The following EPM2A variants were observed in gnomAD, a reference collection of about 807,000 sequenced individuals.
EPM2A encodes the protein laforin.
Under a neutral mutation model 26.5 loss-of-function variants are expected in EPM2A, and 21 were observed. The ratio of observed to expected loss-of-function variants is 0.79; its 90% CI spans 0.56 to 1.14. The LOEUF is 1.14. Ranked by LOEUF, EPM2A falls within the 50% of genes most tolerant of loss-of-function variation. EPM2A has a pLI of 0.00. For synonymous variants in EPM2A, 217 were observed against 177.6 expected, an observed-to-expected ratio of 1.22 and a Z score of -1.76; for missense variants, 458 against 440.8, an observed-to-expected ratio of 1.04 and a Z score of -0.35.
chr6:145,630,377 C>G (rs1180961996), intron 3 of EPM2A: 1 of 152,338 alleles, frequency 6.6e-6, no homozygotes, highest in African/African-American at 2.4e-5. Flanking sequence ...CTTTGGGAGG[C>G]CGAGGCAGGT....
intron 2 of EPM2A, chr6:145,637,399 A>G (rs1392173303): frequency 6.6e-6 from 1 of 152,124 alleles, no homozygotes; most frequent in Non-Finnish European, 1.5e-5. Context: ...ATAATCAGTG[A>G]AAATTATCTC....
intron 3 of EPM2A, chr6:145,628,948 A>T (rs1483565815): frequency 1.3e-5 from 2 of 152,274 alleles, no homozygotes; most frequent in Admixed American, 6.5e-5. Flanking sequence ...TTTACCAAGG[A>T]CCACAGTGTG....
intron 2 of EPM2A, among the ~76,000 whole-genome samples, chr6:145,550,700 GACA>G (rs1489116165): frequency 2.6e-5 from 4 of 151,920 alleles, no homozygotes; most frequent in Non-Finnish European, 4.4e-5. Context: ...TCAGTATGAA[GACA>G]ACAAGGATGA....
At chr6:145,488,760 G>T (rs995912489) in intron 4 of EPM2A, among the ~76,000 whole-genome samples, 7 of 151,636 alleles carry the variant, frequency 4.6e-5, no homozygotes, top group African/African-American at 1.5e-4. Flanking sequence ...ATTTTTAAAT[G>T]ATGCTCATCT....
intron 2 of EPM2A, among the ~76,000 whole-genome samples, chr6:145,569,010 T>C (rs1208301608): frequency 6.6e-6 from 1 of 152,188 alleles, no homozygotes; most frequent in Non-Finnish European, 1.5e-5. Context: ...GAGGCAGCCA[T>C]AGGCATGGAG....
chr6:145,686,989 C>G (rs997415606), intron 1 of EPM2A: 2 of 152,510 alleles, frequency 1.3e-5, no homozygotes, highest in African/African-American at 4.8e-5. Context: ...CACCATCTTC[C>G]TTCCAGGGCC....
chr6:145,722,593 G>C (rs1279694775), intron 1 of EPM2A, among the ~76,000 whole-genome samples: 1 of 152,128 alleles, frequency 6.6e-6, no homozygotes, highest in Non-Finnish European at 1.5e-5. Context: ...CGAAATGTTA[G>C]AATAATTTGG....
At chr6:145,442,915 C>T (rs1190550618) in intron 4 of EPM2A, among the ~76,000 whole-genome samples, 1 of 151,458 alleles carries the variant, frequency 6.6e-6, no homozygotes, top group African/African-American at 2.4e-5. Flanking sequence ...GGCTGGAGTG[C>T]AGTGGCACCA....
At chr6:145,383,730 C>G (rs1050665161) in exon 5 of EPM2A, 1 of 152,130 alleles carries the variant, frequency 6.6e-6, no homozygotes, top group African/African-American at 2.4e-5. Flanking sequence ...TGACTACTTA[C>G]GTATTGAGTC....
chr6:145,726,298 C>T (rs988452963), intron 1 of EPM2A, among the ~76,000 whole-genome samples: 7 of 151,740 alleles, frequency 4.6e-5, no homozygotes, highest in East Asian at 1.9e-4. Flanking sequence ...AAATAATATC[C>T]GTGAATTCCT....
chr6:145,552,834 A>C (rs1244443758), intron 2 of EPM2A, among the ~76,000 whole-genome samples: 1 of 152,112 alleles, frequency 6.6e-6, no homozygotes, highest in African/African-American at 2.4e-5. Context: ...ACATTTCCTC[A>C]AAAAGATTTG....
intron 2 of EPM2A, among the ~76,000 whole-genome samples, chr6:145,518,753 G>A (rs1040057067): frequency 5.3e-5 from 8 of 152,022 alleles, no homozygotes; most frequent in East Asian, 1.9e-4. Flanking sequence ...TAATAATCCC[G>A]CTTCTATTCC....
intron 4 of EPM2A, among the ~76,000 whole-genome samples, chr6:145,463,825 A>T (rs1387999260): frequency 6.6e-6 from 1 of 152,002 alleles, no homozygotes; most frequent in African/African-American, 2.4e-5. Flanking sequence ...AGATTCTGAA[A>T]TTTTTCTCTG....
At chr6:145,716,625 C>T (rs6927960) in intron 1 of EPM2A, among the ~76,000 whole-genome samples, 10,153 of 152,156 alleles carry the variant, frequency 0.067, 1,136 homozygotes, top group African/African-American at 0.23. Flanking sequence ...GCCATTCCCA[C>T]GCTCCTCACA....
At chr6:145,499,356 G>T (rs1180777913), downstream of EPM2A, among the ~76,000 whole-genome samples, 3 of 152,130 alleles carry the variant, frequency 2.0e-5, no homozygotes, top group Middle Eastern at 3.4e-3. Context: ...TACCTATTCT[G>T]CCCTACCTGT....
At chr6:145,406,309 A>T (rs1365501674) in intron 4 of EPM2A, among the ~76,000 whole-genome samples, 1 of 152,192 alleles carries the variant, frequency 6.6e-6, no homozygotes, top group Non-Finnish European at 1.5e-5. Flanking sequence ...ATCTAACAAT[A>T]TACAAGAAGC....
chr6:145,663,596 T>C (rs1254295088), intron 2 of EPM2A, among the ~76,000 whole-genome samples: 1 of 151,782 alleles, frequency 6.6e-6, no homozygotes, highest in East Asian at 1.9e-4. Context: ...CTCTGCAGGA[T>C]ATTATCCAGG....
At chr6:145,450,301 C>T (rs572186602) in intron 4 of EPM2A, among the ~76,000 whole-genome samples, 5 of 144,170 alleles carry the variant, frequency 3.5e-5, no homozygotes, top group Non-Finnish European at 4.5e-5. Context: ...TGCAGTGAGC[C>T]GAGATCGCGC....
intron 4 of EPM2A, among the ~76,000 whole-genome samples, chr6:145,427,358 AAC>A (rs1387070842): frequency 6.6e-6 from 1 of 152,164 alleles, no homozygotes; most frequent in Non-Finnish European, 1.5e-5. Context: ...GGCAGAGTGT[AAC>A]AGAGTAAAAC....
Sources: gnomAD v4.1 joint callset for allele counts (sites outside exome capture counted in the v4.1 genomes callset) on GRCh38, gnomAD v4.1.1 for gene constraint, MANE v1.5 for transcripts, NCBI Gene and HGNC (gene_info 2026-07-23, HGNC 2026-07-21) for gene names.